Variants in NRP2 observed in about 807,000 individuals in gnomAD.
NRP2 encodes the protein neuropilin 2.
In NRP2, 52 loss-of-function variants were observed where a neutral mutation model predicts 110.4. That is an observed-to-expected ratio of 0.47 (90% confidence interval 0.38 to 0.59). The LOEUF (loss-of-function observed/expected upper bound fraction) is 0.59, where lower values mean the gene tolerates loss of function less well. NRP2 is among the 20% of genes least tolerant of loss of function. The pLI is 0.00. For missense variants in NRP2, 1,049 were observed against 1,203.0 expected, an observed-to-expected ratio of 0.87 and a Z score of 1.89; for synonymous variants, 508 against 468.9, an observed-to-expected ratio of 1.08 and a Z score of -1.08.
chr2:205,727,021 T>G (rs2057140579), intron 6 of NRP2, among the ~76,000 whole-genome samples: 1 of 152,240 alleles, frequency 6.6e-6, no homozygotes, highest in African/African-American at 2.4e-5. Context: ...TCTGTATAAC[T>G]GGCATCCCCT....
intron 15 of NRP2, among the ~76,000 whole-genome samples, chr2:205,781,607 G>A (rs1287019764): frequency 6.6e-6 from 1 of 152,226 alleles, no homozygotes; most frequent in South Asian, 2.1e-4. Flanking sequence ...TGACTTGCCT[G>A]CATTGTGGGC....
At chr2:205,729,730 C>G (rs2057199877) in intron 7 of NRP2, among the ~76,000 whole-genome samples, 1 of 152,182 alleles carries the variant, frequency 6.6e-6, no homozygotes, top group African/African-American at 2.4e-5. Flanking sequence ...AATACCTTAG[C>G]ACTGCACATT....
At position 205,796,670 on chromosome 2, in the gene NRP2, A is replaced by T. The variant is rs900691626; in HGVS notation, c.*1612A>T. The T allele has an allele frequency of 7.2e-5, 11 of 152,418 alleles. No individual in the cohort carries two copies. Among genetic ancestry groups the T allele is most frequent in the Admixed American group, 2.0e-4 (3 of 15,270 alleles). 9.4% of individuals were successfully genotyped at this position (152,418 alleles called of 1,614,324 possible). On this transcript the variant is annotated 3_prime_UTR_variant, in exon 17 of 17. Coordinates refer to ENST00000357785, the MANE Select transcript of NRP2 (RefSeq NM_003872.3). ...CGAGTGGTAGTCATAGCCCTAGATG[A>T]CTCTCAACTACTCTTCAAAGGGAGG...
In NRP2 at chr2:205,725,920, G is replaced by T; in HGVS notation, c.828G>T (p.Gln276His). The change falls in exon 6 of 17, where the codon CAG becomes CAT. Residue 276 changes from glutamine (Q) to histidine (H), a missense_variant. Coordinates refer to ENST00000357785, the MANE Select transcript of NRP2 (RefSeq NM_003872.3). This position sits in a 1 kb window ranked among gnomAD's most constrained non-coding sequence, Gnocchi z 4.1. Reference protein sequence around the residue: ...LVHQEPLENFQCNVPLGMESG... With the variant: ...LVHQEPLENFHCNVPLGMESG... ...ACCGTCTGCTTTCCCCAGACTTTCA[G>T]TGCAATGTTCCTCTGGGCATGGAGT... The T allele has an allele frequency of 6.2e-7, 1 of 1,614,164 alleles. No individual in the cohort carries two copies. Among genetic ancestry groups the T allele is most frequent in the Non-Finnish European group, 8.5e-7 (1 of 1,180,042 alleles).
chr2:205,718,884 G>C lies in NRP2; in HGVS notation c.433+2510G>C, dbSNP rs190558287. On this transcript the variant is annotated intron_variant, in intron 3 of 16. Transcript: ENST00000357785. Reference sequence around the variant, plus strand: ...TTGAACCCAGAAGGAGGAGGTGGCAGTGAGCCGAGATCATGCCATTGCACT... The same window carrying C: ...TTGAACCCAGAAGGAGGAGGTGGCACTGAGCCGAGATCATGCCATTGCACT... Among the ~76,000 whole-genome samples the C allele has an allele frequency of 1.9e-3, 290 of 151,608 alleles. 2 individuals carry two copies. Among genetic ancestry groups the C allele is most frequent in the Admixed American group, 3.0e-3 (46 of 15,236 alleles).
chr2:205,779,024 A>G (rs1188784354), intron 15 of NRP2: 1 of 152,250 alleles, frequency 6.6e-6, no homozygotes, highest in Non-Finnish European at 1.5e-5. Flanking sequence ...TCTGTATTTC[A>G]TGGAGGGAGG....
chr2:205,784,053 C>T (rs1228160456), intron 15 of NRP2, among the ~76,000 whole-genome samples: 4 of 139,860 alleles, frequency 2.9e-5, no homozygotes, highest in African/African-American at 8.0e-5. Flanking sequence ...TGTGTAATTG[C>T]GCAAAATTAA....
At chr2:205,790,053 T>G (rs1203899874) in intron 15 of NRP2, among the ~76,000 whole-genome samples, 1 of 152,222 alleles carries the variant, frequency 6.6e-6, no homozygotes, top group Non-Finnish European at 1.5e-5. Context: ...TATCCTTTTT[T>G]TGACCCCCTT....
Position 205,728,135 on chromosome 2 carries a change from A to G in NRP2, c.1146+89A>G. ...GCTTTAAGCCGACCTCCTACAGGAG[A>G]GAGGGCCTTGTGTAGTCAGGCTCAG... is the stretch of plus-strand genomic sequence containing the variant. On this transcript the variant is annotated intron_variant, in intron 7 of 16. Transcript: ENST00000357785. 11 of 1,473,370 alleles carry G rather than the reference A, an allele frequency of 7.5e-6. No individual in the cohort carries two copies. The South Asian group carries it at 1.0e-4, about 14-fold the overall frequency. The allele number at this position is 1,473,370 out of a possible 1,614,324, so 91.3% of individuals were successfully genotyped here.
chr2:205,771,295 T>G (rs918877460), intron 15 of NRP2, among the ~76,000 whole-genome samples: 1 of 152,210 alleles, frequency 6.6e-6, no homozygotes, highest in Non-Finnish European at 1.5e-5. Context: ...GCGTCTTTTT[T>G]CCAAACACAT....
intron 9 of NRP2, among the ~76,000 whole-genome samples, chr2:205,744,939 T>A (rs1438589811): frequency 1.3e-5 from 2 of 152,196 alleles, no homozygotes; most frequent in Non-Finnish European, 2.9e-5. Context: ...GACAGCCCTA[T>A]CCGAGACAGT....
chr2:205,710,252 G>A (rs751309364), intron 2 of NRP2, among the ~76,000 whole-genome samples: 2 of 152,184 alleles, frequency 1.3e-5, no homozygotes, highest in Admixed American at 6.5e-5. Flanking sequence ...GAAGGTCTCT[G>A]TGCCCTGGAG....
chr2:205,782,252 C>T (rs1043273952), intron 15 of NRP2, among the ~76,000 whole-genome samples: 6 of 152,002 alleles, frequency 3.9e-5, no homozygotes, highest in Non-Finnish European at 7.4e-5. Flanking sequence ...GCTAAAGTCC[C>T]GTGGGCATTG....
intron 16 of NRP2, among the ~76,000 whole-genome samples, chr2:205,794,535 T>G (rs1205142360): frequency 6.6e-6 from 1 of 152,184 alleles, no homozygotes. Flanking sequence ...TATCCCCATT[T>G]CAAAGAGGAG....
chr2:205,735,043 G>A (rs13402060), intron 7 of NRP2, among the ~76,000 whole-genome samples: 45,722 of 151,896 alleles, frequency 0.3, 7,325 homozygotes, highest in Middle Eastern at 0.35. Context: ...TACCCCAAAG[G>A]GCCCGCCTCA....
At chr2:205,757,914 G>A (rs548324029) in intron 12 of NRP2, among the ~76,000 whole-genome samples, 2 of 145,376 alleles carry the variant, frequency 1.4e-5, no homozygotes, top group Non-Finnish European at 3.0e-5. Flanking sequence ...TTTTTTTCCT[G>A]CAAATCATGA....
intron 15 of NRP2, chr2:205,777,074 G>T: frequency 1.0e-6 from 1 of 994,958 alleles, no homozygotes; most frequent in South Asian, 4.5e-5. Flanking sequence ...ACTTCTCCTG[G>T]GGTACATTTT....
At position 205,723,842 on chromosome 2, in the gene NRP2, C is replaced by T. The variant is rs563060469; in HGVS notation, c.722C>T (p.Ser241Leu). Reference sequence around the variant, plus strand: ...AAAACACCCTCTGAACTTCGTTCATCGACGGGGATCCTCTCCCTGACCTTT... The same window carrying T: ...AAAACACCCTCTGAACTTCGTTCATTGACGGGGATCCTCTCCCTGACCTTT... ...GTKTPSELRS[S>L]TGILSLTFHT... The change falls in exon 5 of 17, where the codon TCG becomes TTG. Residue 241 changes from serine to leucine, a missense_variant. Physicochemically the swap from Ser to Leu is moderately radical, Grantham distance 145. Transcript: ENST00000357785. 13 of 1,614,198 alleles carry T rather than the reference C, an allele frequency of 8.1e-6. No homozygotes were observed. The highest frequency in any genetic ancestry group is 1.3e-5 in the African/African-American group (1 of 75,056).
chr2:205,714,556 T>A (rs557797894), intron 2 of NRP2, among the ~76,000 whole-genome samples: 1 of 152,290 alleles, frequency 6.6e-6, no homozygotes, highest in African/African-American at 2.4e-5. Flanking sequence ...TTTACTTTTG[T>A]TTTGGAAATG....
Sources: gnomAD v4.1 joint callset for allele counts (sites outside exome capture counted in the v4.1 genomes callset) on GRCh38, gnomAD v4.1.1 for gene constraint, Gnocchi (gnomAD v3.1) non-coding constraint, MANE v1.5 for transcripts, NCBI Gene and HGNC (gene_info 2026-07-23, HGNC 2026-07-21) for gene names.